The following TTN variants were observed in gnomAD, a reference collection of about 807,000 sequenced individuals.
The protein encoded by TTN is titin, also known as connectin.
In TTN, 1,525 loss-of-function variants were observed where a neutral mutation model predicts 3,223.0. The ratio of observed to expected loss-of-function variants is 0.47; its 90% CI spans 0.45 to 0.49. The LOEUF is 0.49. Among genes scored for constraint, TTN ranks in the 20% least tolerant of loss-of-function variants. The pLI, the probability that TTN is intolerant of heterozygous loss-of-function variation, is 0.00. For missense variants in TTN, 40,786 were observed against 43,424.0 expected (o/e 0.94, Z 5.40); for synonymous variants, 14,094 against 15,161.0 (o/e 0.93, Z 5.17).
chr2:178,614,695 C>G lies in TTN; in HGVS notation c.48819G>C (p.Gly16273=). Residue 16273 remains glycine (G), a synonymous_variant, in exon 261 of 363, where the codon GGG becomes GGC. Transcript: ENST00000589042. ...KLLAGLTVKA[G]TKIELPATVT... is the part of the protein sequence containing the mutation. ...CGGTGGCAGGAAGTTCAATCTTGGT[C>G]CCAGCTTTTACAGTGAGACCAGCAA... The G allele has an allele frequency of 6.2e-7, 1 of 1,612,040 alleles. No individual in the cohort carries two copies. Among genetic ancestry groups the G allele is most frequent in the Non-Finnish European group, 8.5e-7 (1 of 1,178,956 alleles).
chr2:178,638,741 CTTTGT>C (rs1202262867), intron 223 of TTN, among the ~76,000 whole-genome samples: 4 of 151,796 alleles, frequency 2.6e-5, no homozygotes, highest in Admixed American at 2.6e-4. Context: ...TTTAAATTTA[CTTTGT>C]TTTATTTTTG....
At chr2:178,737,186 A>ATTTTGG (rs1173135654) in intron 49 of TTN, 1 of 152,150 alleles carries the variant, frequency 6.6e-6, no homozygotes, top group Non-Finnish European at 1.5e-5. Context: ...TGCTACTAAT[A>ATTTTGG]TTTTGGTTAA....
intron 359 of TTN, 93 bp from the exon 360 acceptor site, chr2:178,529,312 A>G: frequency 2.9e-6 from 3 of 1,028,898 alleles, no homozygotes; most frequent in East Asian, 2.7e-5. Flanking sequence ...CATAAAAAGA[A>G]AAAAAGTCAA....
Position 178,756,683 on chromosome 2 carries a change from A to G in TTN, c.10793T>C (p.Ile3598Thr). 1 of 1,613,784 alleles carries G rather than the reference A, an allele frequency of 6.2e-7. No homozygotes were observed. Residue 3598 changes from isoleucine to threonine, a missense_variant, in exon 46 of 363, where the codon ATT becomes ACT. By Grantham distance (89) the Ile-to-Thr change is moderately conservative. Coordinates refer to ENST00000589042, the MANE Select transcript of TTN (RefSeq NM_001267550.2). ...ATATGATGATCCTTGAAATGACTTA[A>G]TTTCCTTTTGAGATATTTTGCTCTC... ...KEESKISQKE[I>T]KSFQGSSYEY...
rs775728115 is a variant in TTN, at chr2:178,571,510, C to T, written c.74622G>A (p.Lys24874=). 1.2e-6 allele frequency: 2 copies of T among 1,613,308 alleles called. No individual in the cohort carries two copies. Among genetic ancestry groups the T allele is most frequent in the Non-Finnish European group, 1.7e-6 (2 of 1,179,594 alleles). ...ARTTIKACRL[K]TGCEYQFRIA... ...TTCTAAACTGATATTCACATCCAGT[C>T]TTCAGTCTGCAAGCCTTTATTGTTG... Residue 24874 remains lysine (K), a synonymous_variant, in exon 326 of 363, where the codon AAG becomes AAA. Coordinates refer to ENST00000589042, the MANE Select transcript of TTN (RefSeq NM_001267550.2).
In TTN at chr2:178,586,495, G is replaced by C; in HGVS notation, c.64396+10C>G. ...TACCACATGACATAAATGAAGCAAA[G>C]ACTACTTACACAGTTGTTCTTTGGC... On this transcript the variant is annotated intron_variant, in intron 308 of 362. Transcript: ENST00000589042. 6.2e-7 allele frequency: 1 copy of C among 1,610,786 alleles called. No homozygotes were observed. Among genetic ancestry groups the C allele is most frequent in the Non-Finnish European group, 8.5e-7 (1 of 1,178,700 alleles).
chr2:178,542,094 A>C (rs1425161829), intron 349 of TTN, 170 bp downstream of exon 349: 2 of 600,250 alleles, frequency 3.3e-6, no homozygotes, highest in Admixed American at 3.4e-5. Context: ...ACCTCTGAGA[A>C]AAGGAGGTTT....
Position 178,718,497 on chromosome 2 carries a change from G to T in TTN, c.24609C>A (p.Ser8203Arg). ...TYTGTPPISV[S>R]WIKDEYLISQ... ...AAATAAGATACTCGTCCTTTATCCA[G>T]CTCACTGAGATTGGAGGTGTGCCAG... is the stretch of plus-strand genomic sequence containing the variant. Residue 8203 changes from serine (S) to arginine (R), a missense_variant, in exon 85 of 363, where the codon AGC (serine) becomes AGA (arginine). Coordinates refer to ENST00000589042, the MANE Select transcript of TTN (RefSeq NM_001267550.2). The T allele has an allele frequency of 6.2e-7, 1 of 1,613,664 alleles. No homozygotes were observed. The highest frequency in any genetic ancestry group is 2.2e-5 in the East Asian group (1 of 44,836).
At chr2:178,623,606 A>G (rs1373229126) in intron 242 of TTN, among the ~76,000 whole-genome samples, 2 of 151,914 alleles carry the variant, frequency 1.3e-5, no homozygotes, top group Non-Finnish European at 2.9e-5. Flanking sequence ...AGGAGACCCA[A>G]GAAGCTACTT....
At chr2:178,529,262 A>AC (rs1244565605) in intron 359 of TTN, 43 bp from the exon 360 acceptor site, 4 of 1,352,710 alleles carry the variant, frequency 3.0e-6, no homozygotes, top group East Asian at 2.5e-5. Flanking sequence ...TTAGAAAGAG[A>AC]CCCCCACCTT....
chr2:178,642,820 C>A lies in TTN; in HGVS notation c.40478-503G>T, dbSNP rs2061418463. 2.6e-5 allele frequency among the ~76,000 whole-genome samples: 4 copies of A among 151,928 alleles called. No individual in the cohort carries two copies. In the South Asian group the frequency reaches 6.2e-4, roughly 24 times the overall value. On this transcript the variant is annotated intron_variant, in intron 218 of 362. Coordinates refer to ENST00000589042, the MANE Select transcript of TTN (RefSeq NM_001267550.2). ...GAAGGGCCATATCTCACTTTCTGAA[C>A]AGAAGAAGAGTAGCCTTTCTTAAGA...
At chr2:178,759,675 G>A (rs1488487444) in intron 43 of TTN, among the ~76,000 whole-genome samples, 2 of 152,056 alleles carry the variant, frequency 1.3e-5, no homozygotes, top group East Asian at 1.9e-4. Flanking sequence ...TACCTTTGAA[G>A]GCTGTAGAAA....
In TTN at chr2:178,620,361, A is replaced by G. The variant is rs397517585; in HGVS notation, c.46160T>C (p.Ile15387Thr). The part of the protein sequence containing the change: ...QDKSVAELLI[I>T]EAPTEFVEHL... ...TTCCACAAATTCTGTCGGGGCTTCT[A>G]TGATGAGAAGCTCAGCAACAGATTT... The change falls in exon 248 of 363, where the codon ATA (isoleucine) becomes ACA (threonine). Residue 15387 changes from isoleucine to threonine, a missense_variant. Physicochemically the swap from Ile to Thr is moderately conservative, Grantham distance 89 (BLOSUM62 -1). Transcript: ENST00000589042. The G allele has an allele frequency of 8.1e-6, 13 of 1,608,768 alleles. 1 individual carries two copies. The highest frequency in any genetic ancestry group is 3.3e-4 in the Middle Eastern group (2 of 6,052).
At position 178,624,546 on chromosome 2, in the gene TTN, G is replaced by A. The variant is rs766391823; in HGVS notation, c.44734C>T (p.His14912Tyr). Residue 14912 changes from histidine to tyrosine, a missense_variant, in exon 242 of 363, where the codon CAT (histidine) becomes TAT (tyrosine). His to Tyr is a moderately conservative substitution (Grantham distance 83). Coordinates refer to ENST00000589042, the MANE Select transcript of TTN (RefSeq NM_001267550.2). Reference protein sequence around the residue: ...ADGRVRKLVIHDCTPEDIKTY... With the variant: ...ADGRVRKLVIYDCTPEDIKTY... ...TTAATATCCTCTGGGGTACAGTCAT[G>A]TATAACAAGTTTTCTGACCCTGCCA... 5.6e-5 allele frequency: 90 copies of A among 1,612,648 alleles called. 1 individual carries two copies. The highest frequency in any genetic ancestry group is 1.8e-4 in the Admixed American group (11 of 59,884).
rs2059760207 is a variant in TTN, at chr2:178,631,230, C to T, written c.43818G>A (p.Gln14606=). 3 of 1,612,826 alleles carry T rather than the reference C, an allele frequency of 1.9e-6. No individual in the cohort carries two copies. Among genetic ancestry groups the T allele is most frequent in the African/African-American group, 2.7e-5 (2 of 75,014 alleles). The part of the protein sequence containing the change: ...TGVEKDEVIL[Q]CEISKADAPV... ...GTGCATCTGCTTTGCTAATTTCACA[C>T]TGTAGAATAACTTCATCTTTCTCTA... Residue 14606 remains glutamine, a synonymous_variant, in exon 237 of 363, where the codon CAG becomes CAA. Coordinates refer to ENST00000589042, the MANE Select transcript of TTN (RefSeq NM_001267550.2).
rs754965003 is a variant in TTN, at chr2:178,552,349, T to A, written c.90551A>T (p.Glu30184Val). Reference sequence around the variant, plus strand: ...CTTAATACTCAAAGTAATTTTGTTTTCAGTTTTACTGAAGCGAACAAATTC... The same window carrying A: ...CTTAATACTCAAAGTAATTTTGTTTACAGTTTTACTGAAGCGAACAAATTC... ...ESEFVRFSKT[E>V]NKITLSIKNA... is the part of the protein sequence containing the mutation. Residue 30184 changes from glutamate to valine, a missense_variant, in exon 335 of 363, where the codon GAA (glutamate) becomes GTA (valine). Transcript: ENST00000589042. 3 of 1,598,648 alleles carry A rather than the reference T, an allele frequency of 1.9e-6. No homozygotes were observed. Among genetic ancestry groups the A allele is most frequent in the Admixed American group, 1.7e-5 (1 of 57,900 alleles).
At position 178,713,969 on chromosome 2, in the gene TTN, T is replaced by A; in HGVS notation, c.26689A>T (p.Ser8897Cys). 6.2e-7 allele frequency: 1 copy of A among 1,613,686 alleles called. No homozygotes were observed. Among genetic ancestry groups the A allele is most frequent in the Non-Finnish European group, 8.5e-7 (1 of 1,179,692 alleles). ...LKIINVAPSD[S>C]GVYSFEVQNP... ...TGCACCTCAAAACTGTATACCCCAC[T>A]GTCACTCGGTGCTACATTGATGATC... The change falls in exon 92 of 363, where the codon AGT (serine) becomes TGT (cysteine). Residue 8897 changes from serine to cysteine, a missense_variant. By Grantham distance (112) the Ser-to-Cys change is moderately radical. Transcript: ENST00000589042.
chr2:178,634,153 C>CT lies in TTN; in HGVS notation c.42416-71dup. On this transcript the variant is annotated intron_variant, in intron 230 of 362. Coordinates refer to ENST00000589042, the MANE Select transcript of TTN (RefSeq NM_001267550.2). The surrounding 1 kb of genome is among the most constrained non-coding windows in gnomAD (Gnocchi z 4.6). Reference sequence around the variant, plus strand: ...TCAGAAAGATTCCATTCTAATCTGCCTGAGTAAAAGGGACCCATTTCACAT... The same window carrying CT: ...TCAGAAAGATTCCATTCTAATCTGCCTTGAGTAAAAGGGACCCATTTCACAT... The CT allele has an allele frequency of 6.3e-7, 1 of 1,581,816 alleles. No homozygotes were observed. Among genetic ancestry groups the CT allele is most frequent in the East Asian group, 2.3e-5 (1 of 44,300 alleles).
In TTN at chr2:178,664,217, A is replaced by G. The variant is rs916717884; in HGVS notation, c.36281-119T>C. 3.0e-6 allele frequency: 3 copies of G among 1,014,638 alleles called. No individual in the cohort carries two copies. In the African/African-American group the frequency reaches 4.9e-5, roughly 17 times the overall value. 62.9% of individuals were successfully genotyped at this position (1,014,638 alleles called of 1,614,324 possible). ...TCCTGAGCTGAGATCAGTGGTAACA[A>G]GTTCCCATAATAGGTGGTGTTTCAG... On this transcript the variant is annotated intron_variant, in intron 168 of 362. Coordinates refer to ENST00000589042, the MANE Select transcript of TTN (RefSeq NM_001267550.2).
Sources: allele counts gnomAD v4.1 joint callset (sites outside exome capture counted in the v4.1 genomes callset), GRCh38; gene constraint gnomAD v4.1.1; non-coding constraint Gnocchi (gnomAD v3.1); transcripts MANE v1.5; gene names NCBI Gene and HGNC (gene_info 2026-07-23, HGNC 2026-07-21).